TRIQK: variants seen among roughly 807,000 people sequenced by gnomAD.
TRIQK encodes the protein triple QxxK/R motif containing, also known as triple QxxK/R motif-containing protein.
A neutral mutation model predicts 10.8 loss-of-function variants in TRIQK; 10 were observed. That is an observed-to-expected ratio of 0.92 (90% CI 0.57 to 1.57). TRIQK has a LOEUF of 1.57. TRIQK is among the 40% of genes most tolerant of loss of function. The pLI is 0.00. For missense variants in TRIQK, 107 were observed against 97.7 expected, an observed-to-expected ratio of 1.09 and a Z score of -0.40; for synonymous variants, 33 against 33.7, an observed-to-expected ratio of 0.98 and a Z score of 0.07.
intron 2 of TRIQK, among the ~76,000 whole-genome samples, chr8:92,941,645 G>A (rs1030538141): frequency 2.6e-5 from 4 of 152,142 alleles, no homozygotes; most frequent in African/African-American, 9.6e-5. Context: ...CAAATGAAGA[G>A]TTAGTTGTTT....
At chr8:93,017,418 A>T (rs1387561635) in intron 1 of TRIQK, among the ~76,000 whole-genome samples, 1 of 152,196 alleles carries the variant, frequency 6.6e-6, no homozygotes, top group Non-Finnish European at 1.5e-5. Context: ...GATATTGAAA[A>T]CAGACACAGT....
intron 3 of TRIQK, among the ~76,000 whole-genome samples, chr8:92,900,824 T>G (rs1019304176): frequency 6.6e-6 from 1 of 152,154 alleles, no homozygotes; most frequent in African/African-American, 2.4e-5. Context: ...TATAGTTTGC[T>G]CTGGGTAGGA....
chr8:92,984,369 C>CAT (rs141305052), intron 1 of TRIQK, among the ~76,000 whole-genome samples: 15,586 of 151,918 alleles, frequency 0.1, 1,885 homozygotes, highest in African/African-American at 0.29. Flanking sequence ...TACCATTACA[C>CAT]GAGCCAAGGA....
chr8:92,996,548 A>G (rs1008270251), intron 1 of TRIQK, among the ~76,000 whole-genome samples: 2 of 152,050 alleles, frequency 1.3e-5, no homozygotes, highest in Non-Finnish European at 2.9e-5. Flanking sequence ...AATGGCTAAT[A>G]AAGGAAGTGA....
intron 1 of TRIQK, among the ~76,000 whole-genome samples, chr8:92,988,002 T>C (rs1813054406): frequency 2.6e-3 from 3 of 1,142 alleles, no homozygotes; most frequent in African/African-American, 0.018. Flanking sequence ...TATACTTTCT[T>C]TTTTTTTTTT....
chr8:92,895,211 C>T (rs1784039372), intron 3 of TRIQK, among the ~76,000 whole-genome samples: 1 of 152,276 alleles, frequency 6.6e-6, no homozygotes, highest in Admixed American at 6.5e-5. Context: ...AGGCCCTTGC[C>T]AGAGGCAGGC....
chr8:92,992,369 G>A lies in TRIQK; in HGVS notation c.-181+25240C>T, dbSNP rs976167371. 2.0e-5 allele frequency among the ~76,000 whole-genome samples: 3 copies of A among 152,242 alleles called. No individual in the cohort carries two copies. The East Asian group carries it at 5.8e-4, about 29-fold the overall frequency. ...GGAGGAAGATCTTCCTGCCTCTACC[G>A]GGAGCCTTGTACTAGTAACAAACAA... On this transcript the variant is annotated intron_variant, in intron 1 of 4. Transcript: ENST00000520686.
At position 92,899,254 on chromosome 8, in the gene TRIQK, G is replaced by A. The variant is rs574328689; in HGVS notation, c.62-7180C>T. Among the ~76,000 whole-genome samples, 3 of 151,422 alleles carry A rather than the reference G, an allele frequency of 2.0e-5. No homozygotes were observed. The East Asian group carries it at 5.9e-4, about 30-fold the overall frequency. On this transcript the variant is annotated intron_variant, in intron 3 of 4. Coordinates refer to ENST00000521988, the MANE Select transcript of TRIQK (RefSeq NM_001171797.2). The stretch of plus-strand genomic sequence containing the variant: ...ACCTTAGCCTCCCAAATCACACCTG[G>A]GATTACAGGCATGAGCCACTGCACT...
chr8:92,952,271 A>G (rs904032190), intron 2 of TRIQK, among the ~76,000 whole-genome samples: 6 of 152,062 alleles, frequency 3.9e-5, no homozygotes, highest in African/African-American at 1.4e-4. Context: ...AGAAGGAACC[A>G]AAAGAAATGC....
upstream of TRIQK, among the ~76,000 whole-genome samples, chr8:92,968,021 TACA>T (rs763678975): frequency 1.6e-4 from 24 of 152,086 alleles, no homozygotes; most frequent in African/African-American, 2.4e-4. Flanking sequence ...TAAGATATTA[TACA>T]ACAAGAAGTA....
Position 92,988,178 on chromosome 8 carries a change from A to AT in TRIQK, c.-181+29430dup, listed in dbSNP as rs899642989. On this transcript the variant is annotated intron_variant, in intron 1 of 4. Transcript: ENST00000520686. ...GGCGCCCACCACCACGCCCGGCTAA[A>AT]TTTTTTTTTTTGTATTTTTAGTAGA... 2.7e-3 allele frequency among the ~76,000 whole-genome samples: 391 copies of AT among 143,746 alleles called. 7 individuals carry two copies. Among genetic ancestry groups the AT allele is most frequent in the African/African-American group, 1.7e-3 (69 of 39,484 alleles). 94.3% of individuals were successfully genotyped at this position (143,746 alleles called of 152,430 possible).
intron 1 of TRIQK, among the ~76,000 whole-genome samples, chr8:93,013,495 T>A (rs1813356773): frequency 6.6e-6 from 1 of 151,912 alleles, no homozygotes; most frequent in African/African-American, 2.4e-5. Context: ...GAAAGAGGGA[T>A]CAAGTTGAAT....
chr8:92,969,739 A>G (rs867665212), upstream of TRIQK, among the ~76,000 whole-genome samples: 40 of 152,240 alleles, frequency 2.6e-4, no homozygotes, highest in African/African-American at 9.4e-4. Flanking sequence ...TTAAATCTCC[A>G]ACTATGCTTG....
At chr8:92,976,500 C>A (rs770613950) in intron 1 of TRIQK, among the ~76,000 whole-genome samples, 11 of 151,914 alleles carry the variant, frequency 7.2e-5, no homozygotes, top group Non-Finnish European at 1.3e-4. Context: ...ATTTTCCAGT[C>A]TTTTAACCAA....
At chr8:92,934,149 G>T (rs557480060) in intron 2 of TRIQK, among the ~76,000 whole-genome samples, 105 of 152,064 alleles carry the variant, frequency 6.9e-4, no homozygotes, top group African/African-American at 2.4e-3. Flanking sequence ...GACGTTCAAT[G>T]ATTATCCCTT....
chr8:92,892,157 A>G (rs1392088335), intron 3 of TRIQK, 83 bp from the exon 4 acceptor site: 1 of 987,282 alleles, frequency 1.0e-6, no homozygotes. Context: ...AAGAATGTTT[A>G]AATACAGTGA....
chr8:92,896,624 C>T (rs1177718604), intron 3 of TRIQK, among the ~76,000 whole-genome samples: 1 of 152,144 alleles, frequency 6.6e-6, no homozygotes, highest in Non-Finnish European at 1.5e-5. Context: ...GGGCCCAATG[C>T]CTGCCCCAAT....
intron 1 of TRIQK, among the ~76,000 whole-genome samples, chr8:92,982,315 C>T (rs1812994634): frequency 6.6e-6 from 1 of 151,858 alleles, no homozygotes; most frequent in African/African-American, 2.4e-5. Flanking sequence ...GCTGGCCTAT[C>T]ATTAATTTTA....
chr8:92,967,743 G>A (rs1406748459), upstream of TRIQK, among the ~76,000 whole-genome samples: 1 of 147,954 alleles, frequency 6.8e-6, no homozygotes, highest in African/African-American at 2.5e-5. Flanking sequence ...AATTGCTTGA[G>A]CCCGGGAGGC....
Sources: allele counts gnomAD v4.1 joint callset (sites outside exome capture counted in the v4.1 genomes callset), GRCh38; gene constraint gnomAD v4.1.1; transcripts MANE v1.5; gene names NCBI Gene and HGNC (gene_info 2026-07-23, HGNC 2026-07-21).